PARP8: variants seen among roughly 807,000 people sequenced by gnomAD.
The protein encoded by PARP8 is poly(ADP-ribose) polymerase family member 8, also known as protein mono-ADP-ribosyltransferase PARP8.
Under a neutral mutation model 124.1 loss-of-function variants are expected in PARP8, and 51 were observed. The observed-to-expected ratio is 0.41, with a 90% confidence interval of 0.33 to 0.52. The LOEUF (loss-of-function observed/expected upper bound fraction) is 0.52, where lower values mean the gene tolerates loss of function less well. PARP8 is among the 20% of genes least tolerant of loss of function. PARP8 has a pLI of 0.21. For synonymous variants in PARP8, 391 were observed against 361.5 expected, an observed-to-expected ratio of 1.08 and a Z score of -0.93; for missense variants, 860 against 1,018.9, an observed-to-expected ratio of 0.84 and a Z score of 2.12.
chr5:50,826,282 A>G, intron 18 of PARP8, among the ~76,000 whole-genome samples: 1 of 152,184 alleles, frequency 6.6e-6, no homozygotes. Flanking sequence ...TGGATTTTGT[A>G]TGTAAACCAT....
chr5:50,745,220 A>T (rs1341637115), intron 2 of PARP8, among the ~76,000 whole-genome samples: 1 of 152,236 alleles, frequency 6.6e-6, no homozygotes, highest in African/African-American at 2.4e-5. Flanking sequence ...TCATGAGGAC[A>T]ATACGACCAT....
intron 7 of PARP8, 83 bp downstream of exon 7, chr5:50,763,325 A>T (rs1386972962): frequency 9.2e-7 from 1 of 1,091,284 alleles, no homozygotes; most frequent in Non-Finnish European, 1.4e-6. Context: ...TAAAGGAAAA[A>T]TTTGGGGTTT....
chr5:50,786,051 T>C (rs1741210597), intron 9 of PARP8, among the ~76,000 whole-genome samples: 1 of 152,138 alleles, frequency 6.6e-6, no homozygotes, highest in African/African-American at 2.4e-5. Context: ...ATTTCTCTTG[T>C]CTTAAAAAAA....
At chr5:50,808,925 C>T (rs1454424931) in intron 14 of PARP8, among the ~76,000 whole-genome samples, 1 of 151,748 alleles carries the variant, frequency 6.6e-6, no homozygotes, top group Non-Finnish European at 1.5e-5. Context: ...CTATTAAAAC[C>T]CTCCCCTAAC....
In PARP8 at chr5:50,843,044, A is replaced by G. The variant is rs1406107036; in HGVS notation, c.*976A>G. 5.9e-5 allele frequency: 9 copies of G among 151,840 alleles called. No homozygotes were observed. Among genetic ancestry groups the G allele is most frequent in the African/African-American group, 1.9e-4 (8 of 41,510 alleles). The allele number at this position is 151,840 out of a possible 1,614,324, so 9.4% of individuals were successfully genotyped here. A position where few individuals can be genotyped will look rare whatever the true frequency, so the allele number is the denominator to read the frequency against. ...TTATTTATGCCACACCAGCATTTTT[A>G]TATTTGTTCATCTAATATCTCTGCT... On this transcript the variant is annotated 3_prime_UTR_variant, in exon 26 of 26. Transcript: ENST00000281631.
At chr5:50,824,247 A>G (rs1434499517) in intron 17 of PARP8, among the ~76,000 whole-genome samples, 3 of 152,174 alleles carry the variant, frequency 2.0e-5, no homozygotes, top group African/African-American at 7.2e-5. Context: ...CTTTGCTTTC[A>G]TATTGGTTAT....
At chr5:50,691,317 G>T (rs1752475898) in intron 2 of PARP8, among the ~76,000 whole-genome samples, 1 of 152,030 alleles carries the variant, frequency 6.6e-6, no homozygotes, top group African/African-American at 2.4e-5. Context: ...CAGCCTTACA[G>T]CAGTCTGCCA....
At chr5:50,824,870 T>G in intron 17 of PARP8, 38 bp from the exon 18 acceptor site, 1 of 1,561,362 alleles carries the variant, frequency 6.4e-7, no homozygotes, top group South Asian at 1.1e-5. Context: ...AAAATGAATT[T>G]TTATGAAAAA....
chr5:50,779,188 C>A (rs535956051), intron 9 of PARP8, among the ~76,000 whole-genome samples: 34 of 152,192 alleles, frequency 2.2e-4, no homozygotes, highest in African/African-American at 7.9e-4. Context: ...CACATACACA[C>A]ACATACACAC....
intron 7 of PARP8, among the ~76,000 whole-genome samples, chr5:50,770,337 T>C (rs1481253372): frequency 6.6e-6 from 1 of 152,194 alleles, no homozygotes; most frequent in African/African-American, 2.4e-5. Context: ...AAACTTTACT[T>C]GAACATCATT....
intron 2 of PARP8, among the ~76,000 whole-genome samples, chr5:50,685,825 A>G (rs1170964987): frequency 6.6e-6 from 1 of 152,170 alleles, no homozygotes; most frequent in Non-Finnish European, 1.5e-5. Context: ...AGGCAAAGAG[A>G]GCTTGTGCAG....
At chr5:50,749,407 G>C (rs1265595676) in intron 2 of PARP8, among the ~76,000 whole-genome samples, 1 of 151,992 alleles carries the variant, frequency 6.6e-6, no homozygotes, top group Admixed American at 6.6e-5. Flanking sequence ...ATAAATAGAC[G>C]TAGATCTTAA....
At chr5:50,704,963 T>G (rs147828175) in intron 2 of PARP8, among the ~76,000 whole-genome samples, 235 of 152,338 alleles carry the variant, frequency 1.5e-3, no homozygotes, top group Admixed American at 3.2e-3. Flanking sequence ...GATCAATGAT[T>G]TACTTCCTTG....
At chr5:50,728,828 T>C (rs192559835) in intron 2 of PARP8, among the ~76,000 whole-genome samples, 96 of 152,224 alleles carry the variant, frequency 6.3e-4, no homozygotes, top group Admixed American at 2.4e-3. Context: ...TAAAATGAAA[T>C]TGTATAATAA....
chr5:50,671,948 GT>G (rs1429714062), intron 2 of PARP8, among the ~76,000 whole-genome samples: 1 of 152,158 alleles, frequency 6.6e-6, no homozygotes, highest in African/African-American at 2.4e-5. Flanking sequence ...CTTTTGAAGT[GT>G]ATCCTTTTTG....
Position 50,722,374 on chromosome 5 carries a change from A to C in PARP8, c.147-27777A>C, listed in dbSNP as rs1755984513. ...TTTACTAATCCCTCTCCCCTCGGGCACAGCTATGTTCCATTTCCCAGCTTC... is the reference window on the plus strand; with the variant it reads ...TTTACTAATCCCTCTCCCCTCGGGCCCAGCTATGTTCCATTTCCCAGCTTC... On this transcript the variant is annotated intron_variant, in intron 2 of 25. Coordinates refer to ENST00000281631, the MANE Select transcript of PARP8 (RefSeq NM_024615.4). Among the ~76,000 whole-genome samples, 2 of 152,162 alleles carry C rather than the reference A, an allele frequency of 1.3e-5. 1 individual carries two copies. Among genetic ancestry groups the C allele is most frequent in the South Asian group, 4.1e-4 (2 of 4,820 alleles).
rs146924877 is a variant in PARP8 at position 50,845,749 on chromosome 5, G to A, written c.*3681G>A. On this transcript the variant is annotated 3_prime_UTR_variant, in exon 26 of 26. Coordinates refer to ENST00000281631, the MANE Select transcript of PARP8 (RefSeq NM_024615.4). ...GTCTATTTTGAGATTGATTTTCTAC[G>A]TGGGCCAATTTTATGTCCATTACCT... The A allele has an allele frequency of 2.0e-5, 3 of 151,718 alleles. No homozygotes were observed. The highest frequency in any genetic ancestry group is 4.8e-5 in the African/African-American group (2 of 41,470). The allele number at this position is 151,718 out of a possible 1,614,324, so 9.4% of individuals were successfully genotyped here.
chr5:50,667,962 C>G, intron 1 of PARP8, 109 bp from the exon 2 acceptor site: 1 of 1,596,124 alleles, frequency 6.3e-7, no homozygotes, highest in Non-Finnish European at 8.5e-7. Context: ...CCCTTGCCTT[C>G]TGCCCGGCCA....
At chr5:50,811,549 A>T (rs1217409458) in intron 14 of PARP8, among the ~76,000 whole-genome samples, 1 of 151,984 alleles carries the variant, frequency 6.6e-6, no homozygotes, top group Non-Finnish European at 1.5e-5. Context: ...CTGAAATTTC[A>T]ATCTCGCGTA....
Sources: gnomAD v4.1 joint callset for allele counts (sites outside exome capture counted in the v4.1 genomes callset) on GRCh38, gnomAD v4.1.1 for gene constraint, MANE v1.5 for transcripts, NCBI Gene and HGNC (gene_info 2026-07-23, HGNC 2026-07-21) for gene names.